Variants in CAB39L observed in about 807,000 individuals in gnomAD.
CAB39L encodes the protein calcium binding protein 39 like, also known as calcium-binding protein 39-like.
A neutral mutation model predicts 39.1 loss-of-function variants in CAB39L; 23 were observed. That is an observed-to-expected ratio of 0.59 (90% CI 0.42 to 0.83). The LOEUF (loss-of-function observed/expected upper bound fraction) is 0.83, where lower values mean the gene tolerates loss of function less well. CAB39L is among the 40% of genes least tolerant of loss of function. CAB39L has a pLI of 0.00. For synonymous variants in CAB39L, 126 were observed against 137.2 expected (o/e 0.92, Z 0.57); for missense variants, 366 against 391.9 (o/e 0.93, Z 0.56).
chr13:49,346,095 TGC>T (rs1566079253), intron 7 of CAB39L, among the ~76,000 whole-genome samples: 7 of 13,622 alleles, frequency 5.1e-4, no homozygotes, highest in South Asian at 5.7e-3. Context: ...TATATATATA[TGC>T]TAGATATATA....
intron 10 of CAB39L, among the ~76,000 whole-genome samples, chr13:49,314,149 G>A (rs1390506965): frequency 2.0e-5 from 3 of 152,168 alleles, no homozygotes; most frequent in African/African-American, 4.8e-5. Context: ...GCTCTGAGGT[G>A]GGCGGGACAG....
intron 6 of CAB39L, among the ~76,000 whole-genome samples, chr13:49,352,448 G>A (rs538669179): frequency 1.1e-4 from 17 of 151,746 alleles, no homozygotes; most frequent in Non-Finnish European, 1.8e-4. Context: ...CAGAATATAG[G>A]GCCCCCTCCA....
At chr13:49,438,435 A>C (rs1243033698) in intron 1 of CAB39L, among the ~76,000 whole-genome samples, 1 of 152,166 alleles carries the variant, frequency 6.6e-6, no homozygotes, top group African/African-American at 2.4e-5. Context: ...AAGATTTTCC[A>C]ATCATTTCTT....
intron 3 of CAB39L, among the ~76,000 whole-genome samples, chr13:49,429,263 T>A (rs1485425713): frequency 1.3e-5 from 2 of 152,170 alleles, no homozygotes; most frequent in African/African-American, 4.8e-5. Context: ...TGGCTAATTT[T>A]TAAAATTTTT....
chr13:49,439,594 G>A (rs1021396359), intron 1 of CAB39L, among the ~76,000 whole-genome samples: 3 of 152,118 alleles, frequency 2.0e-5, no homozygotes, highest in Admixed American at 6.6e-5. Context: ...ATTTCTTTTG[G>A]ATATACACCC....
chr13:49,338,466 A>G (rs1310418386), intron 9 of CAB39L, among the ~76,000 whole-genome samples: 5 of 136,428 alleles, frequency 3.7e-5, no homozygotes, highest in Non-Finnish European at 6.2e-5. Context: ...TCACATGGAC[A>G]CAGGAAGGGG....
At chr13:49,402,974 C>T (rs186190110) in intron 3 of CAB39L, among the ~76,000 whole-genome samples, 7 of 151,650 alleles carry the variant, frequency 4.6e-5, no homozygotes, top group African/African-American at 1.2e-4. Flanking sequence ...GGTTATACTC[C>T]GAGAGTTGTA....
At position 49,359,837 on chromosome 13, in the gene CAB39L, TAAAG is replaced by T. The variant is rs1303814762; in HGVS notation, c.277-9_277-6del. ...CTGGGTCACATCTTTTTTTCCCTGT[TAAAG>T]AAACAAACAGAAATTAAATTGTACA... On this transcript the variant is annotated splice_polypyrimidine_tract_variant and splice_region_variant and intron_variant, in intron 5 of 10. Coordinates refer to ENST00000409308, the MANE Select transcript of CAB39L (RefSeq NM_001079670.3). 1.9e-6 allele frequency: 3 copies of T among 1,540,938 alleles called. No individual in the cohort carries two copies. Among genetic ancestry groups the T allele is most frequent in the African/African-American group, 1.4e-5 (1 of 73,468 alleles).
In CAB39L at chr13:49,365,723, G is replaced by A. The variant is rs9591255; in HGVS notation, c.277-5891C>T. 4.2e-3 allele frequency among the ~76,000 whole-genome samples: 639 copies of A among 152,256 alleles called. 3 individuals carry two copies. Among genetic ancestry groups the A allele is most frequent in the African/African-American group, 0.014 (593 of 41,548 alleles). ...GAATGTAAATTAGTACAACTACTAT[G>A]GAGAATAATTTGGAGGTTCCTCAAA... On this transcript the variant is annotated intron_variant, in intron 5 of 10. Transcript: ENST00000409308.
intron 5 of CAB39L, among the ~76,000 whole-genome samples, chr13:49,375,882 A>C (rs1006157514): frequency 6.6e-6 from 1 of 152,136 alleles, no homozygotes; most frequent in Non-Finnish European, 1.5e-5. Flanking sequence ...AAGGGAAAGA[A>C]AGAAAAAGAC....
At chr13:49,335,759 G>GA (rs1315493931) in intron 9 of CAB39L, among the ~76,000 whole-genome samples, 1 of 152,038 alleles carries the variant, frequency 6.6e-6, no homozygotes, top group Non-Finnish European at 1.5e-5. Context: ...AGAAGATAAG[G>GA]AAAAAATTCC....
At chr13:49,340,913 T>C (rs1256326467) in intron 8 of CAB39L, among the ~76,000 whole-genome samples, 2 of 152,086 alleles carry the variant, frequency 1.3e-5, no homozygotes, top group Non-Finnish European at 2.9e-5. Flanking sequence ...AATTACTAAA[T>C]TACACAAGAA....
intron 10 of CAB39L, among the ~76,000 whole-genome samples, chr13:49,317,595 G>A (rs1954195578): frequency 6.6e-6 from 1 of 152,018 alleles, no homozygotes; most frequent in African/African-American, 2.4e-5. Context: ...TGCAAAAGAC[G>A]AAGCTGAGCC....
chr13:49,339,853 C>A, intron 8 of CAB39L, 111 bp from the exon 9 acceptor site: 1 of 1,241,996 alleles, frequency 8.1e-7, no homozygotes. Flanking sequence ...GCCATTTTAC[C>A]ATCCTTCTTT....
At chr13:49,395,270 C>T (rs1331559735) in intron 3 of CAB39L, among the ~76,000 whole-genome samples, 2 of 148,784 alleles carry the variant, frequency 1.3e-5, no homozygotes, top group African/African-American at 5.0e-5. Context: ...GAGTCTCACT[C>T]TATTGCCTAG....
chr13:49,343,961 C>T lies in CAB39L; in HGVS notation c.624+218G>A, dbSNP rs1290971693. On this transcript the variant is annotated intron_variant, in intron 8 of 10. Coordinates refer to ENST00000409308, the MANE Select transcript of CAB39L (RefSeq NM_001079670.3). ...TAGTCATTTATTGAGCTTCAGAGCA[C>T]AACACGAAGAGATGTGAAAAAGGTG... Among the ~76,000 whole-genome samples the T allele has an allele frequency of 3.3e-5, 5 of 152,168 alleles. No individual in the cohort carries two copies. The East Asian group carries it at 9.6e-4, about 29-fold the overall frequency.
chr13:49,382,220 A>G (rs1055030315), intron 4 of CAB39L, among the ~76,000 whole-genome samples: 1 of 152,134 alleles, frequency 6.6e-6, no homozygotes, highest in Non-Finnish European at 1.5e-5. Flanking sequence ...TCAATATTAC[A>G]AAGTGTACTA....
intron 5 of CAB39L, among the ~76,000 whole-genome samples, chr13:49,366,477 A>G (rs1272497441): frequency 6.6e-6 from 1 of 151,960 alleles, no homozygotes; most frequent in Admixed American, 6.6e-5. Flanking sequence ...AAATACAAAA[A>G]TTAGCTAGGC....
At chr13:49,332,129 C>A (rs1256073518) in intron 9 of CAB39L, 39 bp from the exon 10 acceptor site, 3 of 1,598,506 alleles carry the variant, frequency 1.9e-6, no homozygotes, top group Non-Finnish European at 2.6e-6. Flanking sequence ...AATCTCAGAG[C>A]CACCTGATTC....
Sources: gnomAD v4.1 joint callset for allele counts (sites outside exome capture counted in the v4.1 genomes callset) on GRCh38, gnomAD v4.1.1 for gene constraint, MANE v1.5 for transcripts, NCBI Gene and HGNC (gene_info 2026-07-23, HGNC 2026-07-21) for gene names.